ARHGAP6: variants seen among roughly 807,000 people sequenced by gnomAD.
ARHGAP6 encodes the protein Rho GTPase activating protein 6.
In ARHGAP6, 16 loss-of-function variants were observed where a neutral mutation model predicts 55.7. The observed-to-expected ratio is 0.29, with a 90% CI of 0.19 to 0.44. The LOEUF (loss-of-function observed/expected upper bound fraction) is 0.44. Among genes scored for constraint, ARHGAP6 ranks in the 20% least tolerant of loss-of-function variants. The pLI, the probability that ARHGAP6 is intolerant of heterozygous loss-of-function variation, is 1.00. For synonymous variants in ARHGAP6, 382 were observed against 360.9 expected (o/e 1.06, Z -0.66); for missense variants, 698 against 808.9 (o/e 0.86, Z 1.66).
chrX:11,471,801 C>G (rs1249201602), intron 1 of ARHGAP6, among the ~76,000 whole-genome samples: 2 of 111,706 alleles, frequency 1.8e-5, no homozygotes, highest in African/African-American at 6.5e-5. Flanking sequence ...CCCAGGGATA[C>G]AGGGCCTACC....
At chrX:11,602,605 G>T (rs761885686) in intron 1 of ARHGAP6, among the ~76,000 whole-genome samples, 2 of 112,875 alleles carry the variant, frequency 1.8e-5, no homozygotes, top group African/African-American at 3.2e-5. Context: ...GGGCATGGGA[G>T]AGGGATTATT....
At chrX:11,312,664 G>A (rs1024385786) in intron 1 of ARHGAP6, among the ~76,000 whole-genome samples, 1 of 111,459 alleles carries the variant, frequency 9.0e-6, no homozygotes, top group Non-Finnish European at 1.9e-5. Flanking sequence ...TGCAGCACTC[G>A]CTTAATCAGT....
At chrX:11,309,801 G>A (rs1398238771) in intron 1 of ARHGAP6, among the ~76,000 whole-genome samples, 2 of 111,282 alleles carry the variant, frequency 1.8e-5, no homozygotes, top group African/African-American at 6.5e-5. Context: ...CTCTGAAGAA[G>A]ATATACAAAT....
At chrX:11,398,397 AC>A (rs971879886) in intron 1 of ARHGAP6, among the ~76,000 whole-genome samples, 1 of 111,293 alleles carries the variant, frequency 9.0e-6, no homozygotes, top group African/African-American at 3.3e-5. Flanking sequence ...TTTCCTTAAC[AC>A]AAACAAGCCT....
intron 1 of ARHGAP6, among the ~76,000 whole-genome samples, chrX:11,588,384 T>A (rs1382017551): frequency 8.9e-6 from 1 of 111,753 alleles, no homozygotes; most frequent in Non-Finnish European, 1.9e-5. Context: ...AGAAACATAA[T>A]ATTACTGCAT....
intron 1 of ARHGAP6, among the ~76,000 whole-genome samples, chrX:11,568,675 T>A (rs1300683353): frequency 9.2e-6 from 1 of 108,300 alleles, no homozygotes; most frequent in East Asian, 2.9e-4. Context: ...GAGAATCTCT[T>A]GAACGCTAAG....
chrX:11,578,355 C>T (rs1432452201), intron 1 of ARHGAP6, among the ~76,000 whole-genome samples: 1 of 112,046 alleles, frequency 8.9e-6, no homozygotes, highest in Non-Finnish European at 1.9e-5. Context: ...AAAAAAAAAC[C>T]ACTTTTTGGG....
chrX:11,348,717 T>G (rs1300271947), intron 1 of ARHGAP6, among the ~76,000 whole-genome samples: 1 of 112,085 alleles, frequency 8.9e-6, no homozygotes, highest in Non-Finnish European at 1.9e-5. Context: ...CAATGTGATC[T>G]TGGCTCACTG....
chrX:11,284,465 G>T (rs1259117250), intron 1 of ARHGAP6, among the ~76,000 whole-genome samples: 1 of 111,974 alleles, frequency 8.9e-6, no homozygotes, highest in African/African-American at 3.2e-5. Flanking sequence ...TGAGTGATCT[G>T]TTTAACAGTC....
intron 1 of ARHGAP6, among the ~76,000 whole-genome samples, chrX:11,309,767 GA>G (rs954432510): frequency 5.4e-5 from 6 of 110,360 alleles, no homozygotes; most frequent in Non-Finnish European, 9.5e-5. Context: ...TGAAAAATAA[GA>G]AAAAAAATCT....
At chrX:11,285,701 A>G (rs2047913649) in intron 1 of ARHGAP6, among the ~76,000 whole-genome samples, 2 of 112,387 alleles carry the variant, frequency 1.8e-5, no homozygotes, top group Admixed American at 9.4e-5. Flanking sequence ...AGATCCTAAG[A>G]ACTAGAAAGG....
intron 1 of ARHGAP6, among the ~76,000 whole-genome samples, chrX:11,552,599 T>TATACAC (rs1491079107): frequency 2.1e-5 from 1 of 48,230 alleles, no homozygotes; most frequent in Non-Finnish European, 3.8e-5. Context: ...TATATATATA[T>TATACAC]AGACACACAC....
intron 1 of ARHGAP6, among the ~76,000 whole-genome samples, chrX:11,643,460 T>C (rs2052496182): frequency 8.9e-6 from 1 of 112,114 alleles, no homozygotes; most frequent in East Asian, 2.8e-4. Flanking sequence ...TTTACAACTA[T>C]TGTTTAACTT....
intron 1 of ARHGAP6, among the ~76,000 whole-genome samples, chrX:11,413,140 C>T (rs1380213890): frequency 8.9e-6 from 1 of 112,247 alleles, no homozygotes; most frequent in Non-Finnish European, 1.9e-5. Flanking sequence ...CCGACCTACT[C>T]GTTGCTTCAA....
In ARHGAP6 at chrX:11,409,026, C is replaced by T. The variant is rs1428758447; in HGVS notation, c.589-154319G>A. ...TTACTCTGTGGCCTGTAAGTCCCTG[C>T]CATTTTTCTTGACCACCGCACCCAT... is the stretch of plus-strand genomic sequence containing the variant. On this transcript the variant is annotated intron_variant, in intron 1 of 12. Transcript: ENST00000337414. 3.6e-5 allele frequency among the ~76,000 whole-genome samples: 4 copies of T among 110,420 alleles called. No individual in the cohort carries two copies. In the East Asian group the frequency reaches 8.6e-4, roughly 24 times the overall value.
intron 2 of ARHGAP6, among the ~76,000 whole-genome samples, chrX:11,199,237 G>A (rs893821028): frequency 8.9e-6 from 1 of 112,197 alleles, no homozygotes; most frequent in Admixed American, 9.4e-5. Context: ...TAGGAACAAT[G>A]TTTTTGAAAG....
chrX:11,575,826 T>A (rs1179650542), intron 1 of ARHGAP6, among the ~76,000 whole-genome samples: 4 of 112,053 alleles, frequency 3.6e-5, no homozygotes, highest in South Asian at 7.4e-4. Flanking sequence ...AGAAAGAGCT[T>A]GGGACATTAG....
chrX:11,521,644 C>CT (rs780859515), intron 1 of ARHGAP6, among the ~76,000 whole-genome samples: 2,105 of 110,729 alleles, frequency 0.019, 28 homozygotes, highest in Middle Eastern at 0.061. Flanking sequence ...GATGTGGGCT[C>CT]TTTTTTGGTT....
intron 1 of ARHGAP6, among the ~76,000 whole-genome samples, chrX:11,351,163 A>C: frequency 9.1e-6 from 1 of 110,416 alleles, no homozygotes; most frequent in Non-Finnish European, 1.9e-5. Flanking sequence ...TACTACAATC[A>C]TGCACACCCA....
Sources: allele counts gnomAD v4.1 joint callset (sites outside exome capture counted in the v4.1 genomes callset), GRCh38; gene constraint gnomAD v4.1.1; transcripts MANE v1.5; gene names NCBI Gene and HGNC (gene_info 2026-07-23, HGNC 2026-07-21).